The following NOP58 variants were observed in gnomAD, a reference collection of about 807,000 sequenced individuals.
NOP58 encodes the protein NOP58 ribonucleoprotein, also known as nucleolar protein 58.
A neutral mutation model predicts 71.2 loss-of-function variants in NOP58; 44 were observed. The observed-to-expected ratio is 0.62, with a 90% CI of 0.49 to 0.79. The LOEUF (loss-of-function observed/expected upper bound fraction) is 0.79, where lower values mean the gene tolerates loss of function less well. Ranked by LOEUF, NOP58 falls within the 30% of genes least tolerant of loss-of-function variation. The probability of loss-of-function intolerance (pLI) is 0.00; values close to 1 mark genes in which losing one functional copy is unlikely to be tolerated. For missense variants in NOP58, 538 were observed against 620.2 expected, an observed-to-expected ratio of 0.87 and a Z score of 1.41; for synonymous variants, 228 against 200.3, an observed-to-expected ratio of 1.14 and a Z score of -1.17.
chr2:202,295,361 A>G (rs1292051936), intron 9 of NOP58, among the ~76,000 whole-genome samples: 1 of 152,214 alleles, frequency 6.6e-6, no homozygotes, highest in East Asian at 1.9e-4. Flanking sequence ...TGTGTGTGAC[A>G]TTTATGTCAC....
rs747647151 is a variant in NOP58, at chr2:202,297,527, C to G, written c.1206+14C>G. The G allele has an allele frequency of 1.9e-6, 3 of 1,605,770 alleles. No individual in the cohort carries two copies. In the East Asian group the frequency reaches 6.7e-5, roughly 36 times the overall value. The stretch of plus-strand genomic sequence containing the variant: ...GAAGACAGAGGGGTAAGAACTACAT[C>G]ATGCCTATTCCAGAAGTATTACTTG... On this transcript the variant is annotated intron_variant, in intron 11 of 14. Coordinates refer to ENST00000264279, the MANE Select transcript of NOP58 (RefSeq NM_015934.5).
At chr2:202,293,775 A>G (rs1688944264) in intron 9 of NOP58, among the ~76,000 whole-genome samples, 1 of 151,942 alleles carries the variant, frequency 6.6e-6, no homozygotes, top group African/African-American at 2.4e-5. Context: ...GGTTTTTGCC[A>G]TGTTGGCCAG....
At chr2:202,295,578 T>C in intron 9 of NOP58, 96 bp from the exon 10 acceptor site, 3 of 829,994 alleles carry the variant, frequency 3.6e-6, no homozygotes, top group Non-Finnish European at 5.4e-6. Flanking sequence ...TTTTATTTAT[T>C]ATGGTGGCTG....
intron 1 of NOP58, among the ~76,000 whole-genome samples, chr2:202,272,148 A>C (rs898372936): frequency 2.8e-5 from 3 of 106,578 alleles, no homozygotes; most frequent in African/African-American, 9.4e-5. Flanking sequence ...TCTGATGTAT[A>C]ATTTTTTTTT....
rs1032269762 is a variant in NOP58, at chr2:202,303,351, A to C, written c.1540-35A>C. On this transcript the variant is annotated intron_variant, in intron 14 of 14. Coordinates refer to ENST00000264279, the MANE Select transcript of NOP58 (RefSeq NM_015934.5). ...TGTGATTACTCACCCATACAATTTC[A>C]GCTCTTTCAAAGCATTCTTGTTGGC... The C allele has an allele frequency of 3.7e-6, 6 of 1,608,748 alleles. No homozygotes were observed. In the African/African-American group the frequency reaches 8.1e-5, roughly 22 times the overall value.
intron 10 of NOP58, among the ~76,000 whole-genome samples, chr2:202,296,772 C>T (rs1463529182): frequency 2.0e-5 from 3 of 151,976 alleles, no homozygotes; most frequent in Admixed American, 1.3e-4. Flanking sequence ...CTCACTCTGT[C>T]GCCCAGACTG....
chr2:202,302,287 A>C (rs536606711), intron 13 of NOP58, among the ~76,000 whole-genome samples: 1 of 151,526 alleles, frequency 6.6e-6, no homozygotes, highest in Non-Finnish European at 1.5e-5. Flanking sequence ...ACAGGATTTC[A>C]CCATGTTGGC....
At chr2:202,288,926 C>G (rs915021475) in intron 6 of NOP58, among the ~76,000 whole-genome samples, 3 of 152,036 alleles carry the variant, frequency 2.0e-5, no homozygotes, top group African/African-American at 7.2e-5. Flanking sequence ...TGAGAGCAGC[C>G]TGGCTAACAT....
At chr2:202,268,368 A>G (rs143902653) in intron 1 of NOP58, among the ~76,000 whole-genome samples, 8 of 151,950 alleles carry the variant, frequency 5.3e-5, no homozygotes, top group African/African-American at 1.9e-4. Context: ...CCCCGTCTCT[A>G]CTAAAAAAAT....
At position 202,273,107 on chromosome 2, in the gene NOP58, A is replaced by G. The variant is rs184442510; in HGVS notation, c.46-2006A>G. Reference sequence around the variant, plus strand: ...GCCATTGCACTCCAGCCTGGGCGACAGAGCGAGACTCCGTCTCAATAAATA... The same window carrying G: ...GCCATTGCACTCCAGCCTGGGCGACGGAGCGAGACTCCGTCTCAATAAATA... On this transcript the variant is annotated intron_variant, in intron 1 of 14. Transcript: ENST00000264279. 7.4e-3 allele frequency among the ~76,000 whole-genome samples: 1,129 copies of G among 151,732 alleles called. 13 individuals carry two copies. Among genetic ancestry groups the G allele is most frequent in the African/African-American group, 0.026 (1,094 of 41,556 alleles).
At position 202,291,650 on chromosome 2, in the gene NOP58, T is replaced by C. The variant is rs565185673; in HGVS notation, c.780+380T>C. The stretch of plus-strand genomic sequence containing the variant: ...ATGAAACCCCCATCTCTACTAAAAA[T>C]GCAAAAATTAGCTGCGCGTGGTGGC... On this transcript the variant is annotated intron_variant, in intron 8 of 14. Transcript: ENST00000264279. Among the ~76,000 whole-genome samples the C allele has an allele frequency of 1.6e-4, 24 of 151,744 alleles. No individual in the cohort carries two copies. The East Asian group carries it at 4.7e-3, about 30-fold the overall frequency.
chr2:202,272,371 G>C (rs1485087890), intron 1 of NOP58, among the ~76,000 whole-genome samples: 5 of 151,810 alleles, frequency 3.3e-5, no homozygotes, highest in Non-Finnish European at 7.4e-5. Flanking sequence ...AGCTAGGATG[G>C]TCTCGATCTC....
chr2:202,271,791 TAA>T (rs1230696401), intron 1 of NOP58, among the ~76,000 whole-genome samples: 2 of 151,458 alleles, frequency 1.3e-5, no homozygotes, highest in Non-Finnish European at 2.9e-5. Context: ...AAAAGATTTT[TAA>T]AAGAGCTAGA....
In NOP58 at chr2:202,265,895, C is replaced by T. The variant is rs768714477; in HGVS notation, c.-47C>T. 1 of 1,613,244 alleles carries T rather than the reference C, an allele frequency of 6.2e-7. No individual in the cohort carries two copies. Among genetic ancestry groups the T allele is most frequent in the African/African-American group, 1.3e-5 (1 of 75,050 alleles). The stretch of plus-strand genomic sequence containing the variant: ...CGCGTAGTCGGTGTTTTTGAACTGA[C>T]TCTACAGCTTCTGGCAGGCCGTGCG... On this transcript the variant is annotated 5_prime_UTR_variant, in exon 1 of 15. Transcript: ENST00000264279.
chr2:202,296,667 C>T (rs909635903), intron 10 of NOP58, among the ~76,000 whole-genome samples: 4 of 152,032 alleles, frequency 2.6e-5, no homozygotes, highest in African/African-American at 9.7e-5. Context: ...GAAAATAAAG[C>T]GTTCAATAAA....
At chr2:202,273,421 T>G (rs1015857732) in intron 1 of NOP58, among the ~76,000 whole-genome samples, 1 of 152,228 alleles carries the variant, frequency 6.6e-6, no homozygotes, top group Non-Finnish European at 1.5e-5. Flanking sequence ...TTTAATCATT[T>G]CTTTTCAGCC....
rs557918350 is a variant in NOP58, at chr2:202,292,447, GC to G, written c.781-328del. On this transcript the variant is annotated intron_variant, in intron 8 of 14. Transcript: ENST00000264279. ...AGGTCAAGAGATAGAGACCATACTG[GC>G]CAACATGGTGAAACCCTGTCTCTAC... is the stretch of plus-strand genomic sequence containing the variant. Among the ~76,000 whole-genome samples, 25 of 149,962 alleles carry G rather than the reference GC, an allele frequency of 1.7e-4. 1 individual carries two copies. The South Asian group carries it at 4.9e-3, about 29-fold the overall frequency.
At chr2:202,266,090 T>C (rs958534487) in intron 1 of NOP58, 104 bp downstream of exon 1, 1 of 1,345,884 alleles carries the variant, frequency 7.4e-7, no homozygotes, top group Non-Finnish European at 1.1e-6. Flanking sequence ...TGGGTGCCTG[T>C]TATAGCCCGG....
chr2:202,290,345 A>T lies in NOP58; in HGVS notation c.522A>T (p.Lys174Asn). 1 of 1,605,188 alleles carries T rather than the reference A, an allele frequency of 6.2e-7. No individual in the cohort carries two copies. Among genetic ancestry groups the T allele is most frequent in the Non-Finnish European group, 8.5e-7 (1 of 1,175,584 alleles). Residue 174 changes from lysine to asparagine, a missense_variant, in exon 7 of 15, where the codon AAA (lysine) becomes AAT (asparagine). Coordinates refer to ENST00000264279, the MANE Select transcript of NOP58 (RefSeq NM_015934.5). ...CAGCCTTGTTAGATGACTTGGATAA[A>T]GAACTAAACAACTACATTATGCGAT... ...QAISLLDDLD[K>N]ELNNYIMRCR...
Sources: allele counts gnomAD v4.1 joint callset (sites outside exome capture counted in the v4.1 genomes callset), GRCh38; gene constraint gnomAD v4.1.1; transcripts MANE v1.5; gene names NCBI Gene and HGNC (gene_info 2026-07-23, HGNC 2026-07-21).